The following COL16A1 variants were observed in gnomAD, a reference collection of about 807,000 sequenced individuals.
The protein encoded by COL16A1 is collagen alpha-1(XVI) chain.
A neutral mutation model predicts 266.3 loss-of-function variants in COL16A1; 189 were observed. The observed-to-expected ratio is 0.71, with a 90% CI of 0.63 to 0.80. COL16A1 has a LOEUF of 0.80. COL16A1 is among the 30% of genes least tolerant of loss of function. The pLI, the probability that COL16A1 is intolerant of heterozygous loss-of-function variation, is 0.00. For synonymous variants in COL16A1, 740 were observed against 782.3 expected (o/e 0.95, Z 0.90); for missense variants, 1,928 against 2,122.4 (o/e 0.91, Z 1.80).
chr1:31,672,027 T>C (rs1052654347), intron 47 of COL16A1, among the ~76,000 whole-genome samples: 1 of 152,126 alleles, frequency 6.6e-6, no homozygotes, highest in East Asian at 1.9e-4. Context: ...TGTTCCTGAA[T>C]GAAGTAAATA....
At chr1:31,693,669 T>C (rs1644375315) in intron 12 of COL16A1, among the ~76,000 whole-genome samples, 1 of 152,168 alleles carries the variant, frequency 6.6e-6, no homozygotes, top group Non-Finnish European at 1.5e-5. Flanking sequence ...TCCCCATCAC[T>C]CACAAGCTCT....
In COL16A1 at chr1:31,697,680, T is replaced by C. The variant is rs559473445; in HGVS notation, c.657+226A>G. Among the ~76,000 whole-genome samples the C allele has an allele frequency of 5.3e-5, 8 of 152,256 alleles. No individual in the cohort carries two copies. In the East Asian group the frequency reaches 1.4e-3, roughly 26 times the overall value. ...AGGATGGAATTGATCAGAGCAGAGCTGCACGGAGAGATGTAAAGGAAGATG... is the reference window on the plus strand; with the variant it reads ...AGGATGGAATTGATCAGAGCAGAGCCGCACGGAGAGATGTAAAGGAAGATG... On this transcript the variant is annotated intron_variant, in intron 6 of 70. Coordinates refer to ENST00000373672, the MANE Select transcript of COL16A1 (RefSeq NM_001856.4). This position sits in a 1 kb window ranked among gnomAD's most constrained non-coding sequence, Gnocchi z 4.2.
chr1:31,681,030 C>A lies in COL16A1; in HGVS notation c.2576G>T (p.Gly859Val). The A allele has an allele frequency of 6.2e-7, 1 of 1,613,682 alleles. No individual in the cohort carries two copies. Among genetic ancestry groups the A allele is most frequent in the South Asian group, 1.1e-5 (1 of 91,044 alleles). Residue 859 changes from glycine (G) to valine (V), a missense_variant, in exon 38 of 71, where the codon GGA (glycine) becomes GTA (valine). Physicochemically the swap from Gly to Val is moderately radical, Grantham distance 109 (BLOSUM62 -3). Coordinates refer to ENST00000373672, the MANE Select transcript of COL16A1 (RefSeq NM_001856.4). Reference protein sequence around the residue: ...DGQQGQTGLRGTPGEKGPRGE... With the variant: ...DGQQGQTGLRVTPGEKGPRGE... Reference sequence around the variant, plus strand: ...CCAAGGCACTGTACTCACTGGTGTTCCTCTGAGTCCCGTCTGTCCTTGCTG... The same window carrying A: ...CCAAGGCACTGTACTCACTGGTGTTACTCTGAGTCCCGTCTGTCCTTGCTG...
rs2228550 is a variant in COL16A1, at chr1:31,698,605, T to C, written c.268A>G (p.Arg90Gly). The C allele has an allele frequency of 6.2e-6, 10 of 1,613,454 alleles. 1 individual carries two copies. The highest frequency in any genetic ancestry group is 5.3e-5 in the African/African-American group (4 of 74,842). Residue 90 changes from arginine to glycine, a missense_variant and splice_region_variant, in exon 5 of 71, where the codon AGA becomes GGA. Physicochemically the swap from Arg to Gly is moderately radical, Grantham distance 125 (BLOSUM62 -2). This residue lies in a region of COL16A1 where 1,552 missense variants were observed against 1,637.2 expected (regional missense o/e 0.95). Transcript: ENST00000373672. This position sits in a 1 kb window ranked among gnomAD's most constrained non-coding sequence, Gnocchi z 4.1. Reference sequence around the variant, plus strand: ...TCCGGGAGACCCCGAGGGAATACTCTTCTGGAGATGGAGCAGGGAGGGTGC... The same window carrying C: ...TCCGGGAGACCCCGAGGGAATACTCCTCTGGAGATGGAGCAGGGAGGGTGC... The part of the protein sequence containing the change: ...GAAPVTQPTR[R>G]VFPRGLPEEF...
chr1:31,655,268 C>T (rs759625624), intron 67 of COL16A1, 46 bp downstream of exon 67: 16 of 1,575,804 alleles, frequency 1.0e-5, no homozygotes, highest in African/African-American at 1.4e-5. Context: ...ACCCCACATG[C>T]CTGCTCTATG....
At chr1:31,683,622 C>T (rs1381117478) in intron 34 of COL16A1, 85 bp downstream of exon 34, 17 of 1,611,628 alleles carry the variant, frequency 1.1e-5, no homozygotes, top group Non-Finnish European at 1.4e-5. Flanking sequence ...GCAGGCAGAG[C>T]CCTGAAGTTT....
chr1:31,654,224 G>A (rs1031196191), intron 68 of COL16A1, among the ~76,000 whole-genome samples, 181 bp from the exon 69 acceptor site: 3 of 152,146 alleles, frequency 2.0e-5, no homozygotes, highest in Non-Finnish European at 2.9e-5. Context: ...TGGCCTCCAC[G>A]TCGCTCCCCA....
chr1:31,657,056 T>C lies in COL16A1; in HGVS notation c.4033A>G (p.Thr1345Ala). The C allele has an allele frequency of 6.2e-7, 1 of 1,614,180 alleles. No homozygotes were observed. Among genetic ancestry groups the C allele is most frequent in the Non-Finnish European group, 8.5e-7 (1 of 1,180,030 alleles). ...ACCTCTTTGCCAGCTGCACCATCCG[T>C]ACCAGGTTCGCCCTGGGGAGTAGAG... ...GHPGPPGEPG[T>A]DGAAGKEGPP... The change falls in exon 65 of 71, where the codon ACG becomes GCG. Residue 1345 changes from threonine (T) to alanine (A), a missense_variant. This residue lies in a region of COL16A1 where 376 missense variants were observed against 485.2 expected (regional missense o/e 0.77). Transcript: ENST00000373672. The surrounding 1 kb of genome is among the most constrained non-coding windows in gnomAD (Gnocchi z 6.4).
chr1:31,666,211 CT>C, intron 52 of COL16A1, 130 bp from the exon 53 acceptor site: 1 of 979,324 alleles, frequency 1.0e-6, no homozygotes. Context: ...GGCAGGCCCC[CT>C]CTGCCTGATC....
chr1:31,682,433 G>A (rs1344714611), intron 37 of COL16A1, among the ~76,000 whole-genome samples: 1 of 152,158 alleles, frequency 6.6e-6, no homozygotes, highest in East Asian at 1.9e-4. Context: ...GAGTTCCTCA[G>A]TCACACTAGC....
chr1:31,687,394 A>AC (rs1266956238), intron 26 of COL16A1, among the ~76,000 whole-genome samples: 1 of 140,288 alleles, frequency 7.1e-6, no homozygotes, highest in East Asian at 2.0e-4. Flanking sequence ...AAAAAAAAAA[A>AC]AAAAAACCAA....
chr1:31,658,136 A>G (rs1221298435), intron 64 of COL16A1, among the ~76,000 whole-genome samples: 1 of 152,218 alleles, frequency 6.6e-6, no homozygotes, highest in African/African-American at 2.4e-5. Flanking sequence ...AGTTACAGTA[A>G]CAGCACTGCA....
rs1427879649 is a variant in COL16A1, at chr1:31,698,065, C to T, written c.498G>A (p.Leu166=). The change falls in exon 6 of 71, where the codon TTG becomes TTA. Residue 166 remains leucine (L), a synonymous_variant. Coordinates refer to ENST00000373672, the MANE Select transcript of COL16A1 (RefSeq NM_001856.4). This position sits in a 1 kb window ranked among gnomAD's most constrained non-coding sequence, Gnocchi z 4.1. The part of the protein sequence containing the change: ...CIFPVPQLFD[L]RWHKLMLSVA... The stretch of plus-strand genomic sequence containing the variant: ...CACTCAGCATCAGCTTGTGCCAACG[C>T]AAGTCGAAGAGCTGGGGCACTGGGA... 6.2e-7 allele frequency: 1 copy of T among 1,613,998 alleles called. No individual in the cohort carries two copies. The highest frequency in any genetic ancestry group is 8.5e-7 in the Non-Finnish European group (1 of 1,180,046).
At chr1:31,658,359 C>T (rs1384163767) in intron 64 of COL16A1, 129 bp downstream of exon 64, 10 of 820,866 alleles carry the variant, frequency 1.2e-5, no homozygotes, top group South Asian at 4.7e-5. Flanking sequence ...CCGAACGCCA[C>T]GCTGCCATCC....
In COL16A1 at chr1:31,697,831, C is replaced by A; in HGVS notation, c.657+75G>T. 2.0e-6 allele frequency: 3 copies of A among 1,492,408 alleles called. No individual in the cohort carries two copies. Among genetic ancestry groups the A allele is most frequent in the Non-Finnish European group, 2.7e-6 (3 of 1,112,276 alleles). The allele number at this position is 1,492,408 out of a possible 1,614,324, so 92.4% of individuals were successfully genotyped here. A position where few individuals can be genotyped will look rare whatever the true frequency, so the allele number is the denominator to read the frequency against. ...TTCTAAGCAGGAGAAGGACTTGTTC[C>A]GATACGGATTCCAGGAAGCCCACTC... On this transcript the variant is annotated intron_variant, in intron 6 of 70. Transcript: ENST00000373672. The surrounding 1 kb of genome is among the most constrained non-coding windows in gnomAD (Gnocchi z 4.2).
rs369732535 is a variant in COL16A1 at position 31,695,235 on chromosome 1, G to A, written c.946-14C>T. The A allele has an allele frequency of 5.6e-6, 9 of 1,613,780 alleles. No individual in the cohort carries two copies. In the East Asian group the frequency reaches 6.7e-5, roughly 12 times the overall value. ...ACAGGGCGGACACTGAAAGGGAAGA[G>A]CAGGCGAAGAGGTCAATTCTGAGCC... On this transcript the variant is annotated splice_polypyrimidine_tract_variant and intron_variant, in intron 10 of 70. Coordinates refer to ENST00000373672, the MANE Select transcript of COL16A1 (RefSeq NM_001856.4).
At chr1:31,694,414 A>C (rs1437837076) in intron 11 of COL16A1, among the ~76,000 whole-genome samples, 1 of 152,214 alleles carries the variant, frequency 6.6e-6, no homozygotes, top group Non-Finnish European at 1.5e-5. Flanking sequence ...TCCGCCTCCC[A>C]GTTGCTGGGA....
rs1641133213 is a variant in COL16A1 at position 31,656,226 on chromosome 1, G to A, written c.4101+174C>T. 1.0e-6 allele frequency: 1 copy of A among 1,000,778 alleles called. No individual in the cohort carries two copies. Among genetic ancestry groups the A allele is most frequent in the African/African-American group, 1.7e-5 (1 of 60,288 alleles). The allele number at this position is 1,000,778 out of a possible 1,614,324, so 62.0% of individuals were successfully genotyped here. ...GGAGATTTCCTTCCCCCCAACCACA[G>A]CTAATGACCCCATGTGAGAAATTTT... On this transcript the variant is annotated intron_variant, in intron 66 of 70. Coordinates refer to ENST00000373672, the MANE Select transcript of COL16A1 (RefSeq NM_001856.4). This position sits in a 1 kb window ranked among gnomAD's most constrained non-coding sequence, Gnocchi z 4.2.
In COL16A1 at chr1:31,691,555, G is replaced by C. The variant is rs112514239; in HGVS notation, c.1302+43C>G. On this transcript the variant is annotated intron_variant, in intron 18 of 70. Transcript: ENST00000373672. Reference sequence around the variant, plus strand: ...TGGGCATCAGAGAGCTGCCACCCCAGCCCTGCCACCCCATCTCCACCCCAC... The same window carrying C: ...TGGGCATCAGAGAGCTGCCACCCCACCCCTGCCACCCCATCTCCACCCCAC... 1.2e-3 allele frequency: 1,987 copies of C among 1,613,930 alleles called. 24 individuals are homozygous for C. In the African/African-American group the frequency reaches 0.024, roughly 19 times the overall value.
Sources: gnomAD v4.1 joint callset for allele counts (sites outside exome capture counted in the v4.1 genomes callset) on GRCh38, gnomAD v4.1.1 for gene constraint, gnomAD v4.1.1 regional missense constraint, Gnocchi (gnomAD v3.1) non-coding constraint, MANE v1.5 for transcripts, NCBI Gene and HGNC (gene_info 2026-07-23, HGNC 2026-07-21) for gene names.